The following G3BP2 variants were observed in gnomAD, a reference collection of about 807,000 sequenced individuals.
G3BP2 encodes the protein G3BP stress granule assembly factor 2.
In G3BP2, 11 loss-of-function variants were observed where a neutral mutation model predicts 56.7. The ratio of observed to expected loss-of-function variants is 0.19; its 90% CI spans 0.12 to 0.32. The LOEUF (loss-of-function observed/expected upper bound fraction) is 0.32, where lower values mean the gene tolerates loss of function less well. Among genes scored for constraint, G3BP2 ranks in the 10% least tolerant of loss-of-function variants. The probability of loss-of-function intolerance (pLI) is 1.00; values close to 1 mark genes in which losing one functional copy is unlikely to be tolerated. For missense variants in G3BP2, 340 were observed against 610.9 expected (o/e 0.56, Z 4.67); for synonymous variants, 165 against 191.6 (o/e 0.86, Z 1.15).
In G3BP2 at chr4:75,643,282, C is replaced by T. The variant is rs1319154366; in HGVS notation, c.*2148G>A. The T allele has an allele frequency of 4.2e-5, 4 of 94,298 alleles. No homozygotes were observed. Among genetic ancestry groups the T allele is most frequent in the African/African-American group, 1.8e-4 (4 of 21,996 alleles). The allele number at this position is 94,298 out of a possible 1,614,324, so 5.8% of individuals were successfully genotyped here. ...GTTTTCATGGATGGCAGGGCAATATCCTGAATTGGAAATTATATATATATA... is the reference window on the plus strand; with the variant it reads ...GTTTTCATGGATGGCAGGGCAATATTCTGAATTGGAAATTATATATATATA... On this transcript the variant is annotated 3_prime_UTR_variant, in exon 12 of 12. Coordinates refer to ENST00000359707, the MANE Select transcript of G3BP2 (RefSeq NM_203505.3).
intron 6 of G3BP2, 79 bp from the exon 7 acceptor site, chr4:75,655,325 G>A: frequency 2.0e-6 from 2 of 995,020 alleles, no homozygotes; most frequent in South Asian, 2.8e-5. Flanking sequence ...TCCAATGGGT[G>A]TAACTAGTTA....
chr4:75,689,665 A>G (rs1293867130), intron 3 of G3BP2, among the ~76,000 whole-genome samples: 1 of 152,218 alleles, frequency 6.6e-6, no homozygotes, highest in Non-Finnish European at 1.5e-5. Context: ...TTATTTTTAC[A>G]CTGACCAAGG....
intron 8 of G3BP2, among the ~76,000 whole-genome samples, chr4:75,653,569 G>C (rs935348501): frequency 7.9e-5 from 10 of 126,146 alleles, no homozygotes; most frequent in African/African-American, 3.2e-4. Context: ...AAAGTTTCCT[G>C]GTTTTTTTTT....
At chr4:75,655,528 G>T (rs1481079515) in intron 6 of G3BP2, among the ~76,000 whole-genome samples, 2 of 152,170 alleles carry the variant, frequency 1.3e-5, no homozygotes, top group Non-Finnish European at 2.9e-5. Context: ...CTTACTCTGT[G>T]TTGTCTTCAA....
intron 3 of G3BP2, among the ~76,000 whole-genome samples, chr4:75,711,610 G>A (rs1293121223): frequency 6.6e-6 from 1 of 152,114 alleles, no homozygotes; most frequent in African/African-American, 2.4e-5. Context: ...CTACTCAGGA[G>A]GCTGAGGCAG....
chr4:75,690,816 G>A lies in G3BP2; in HGVS notation c.-24-28767C>T, dbSNP rs140355147. Among the ~76,000 whole-genome samples the A allele has an allele frequency of 3.3e-4, 50 of 152,100 alleles. 1 individual carries two copies. In the East Asian group the frequency reaches 7.4e-3, roughly 22 times the overall value. On this transcript the variant is annotated intron_variant, in intron 3 of 3. Transcript: ENST00000499709. ...TGGGCTCAAGCAATCCACCTGCCTCGGCCTTCTGGAGAGCTGGGATTACAG... is the reference window on the plus strand; with the variant it reads ...TGGGCTCAAGCAATCCACCTGCCTCAGCCTTCTGGAGAGCTGGGATTACAG...
intron 3 of G3BP2, among the ~76,000 whole-genome samples, chr4:75,712,437 C>G (rs191297064): frequency 3.3e-5 from 5 of 152,216 alleles, no homozygotes; most frequent in Non-Finnish European, 7.4e-5. Context: ...TTACTGCCAA[C>G]TGGTATTAAA....
chr4:75,646,904 T>C, intron 10 of G3BP2, 125 bp downstream of exon 10: 1 of 593,282 alleles, frequency 1.7e-6, no homozygotes, highest in South Asian at 2.3e-5. Flanking sequence ...TTAAGGTGGG[T>C]CTGGTAGCTG....
intron 3 of G3BP2, among the ~76,000 whole-genome samples, chr4:75,689,120 C>T (rs1390528638): frequency 2.0e-5 from 3 of 152,148 alleles, no homozygotes; most frequent in Non-Finnish European, 4.4e-5. Context: ...TGGAGGCTCA[C>T]TCCTGTAATC....
At chr4:75,693,356 C>CA (rs1157734606) in intron 3 of G3BP2, among the ~76,000 whole-genome samples, 4 of 152,322 alleles carry the variant, frequency 2.6e-5, no homozygotes, top group African/African-American at 9.6e-5. Context: ...CACATGGAAC[C>CA]AATGAGGACA....
At chr4:75,675,521 G>A (rs1733843560), upstream of G3BP2, among the ~76,000 whole-genome samples, 1 of 152,320 alleles carries the variant, frequency 6.6e-6, no homozygotes. Flanking sequence ...GGCCGGGCGC[G>A]GCAGCTCACG....
chr4:75,716,632 C>T (rs1232060234), intron 3 of G3BP2, among the ~76,000 whole-genome samples: 5 of 152,238 alleles, frequency 3.3e-5, no homozygotes, highest in Non-Finnish European at 7.3e-5. Context: ...TCTCCTGCCT[C>T]AGCCTCCCGA....
At chr4:75,667,686 C>T (rs56728961) in intron 1 of G3BP2, among the ~76,000 whole-genome samples, 10 of 151,942 alleles carry the variant, frequency 6.6e-5, no homozygotes, top group African/African-American at 9.7e-5. Context: ...GTCAGGAGAT[C>T]GAGACCATCC....
intron 8 of G3BP2, among the ~76,000 whole-genome samples, chr4:75,653,751 T>C (rs1436605838): frequency 6.6e-6 from 1 of 152,160 alleles, no homozygotes; most frequent in Non-Finnish European, 1.5e-5. Flanking sequence ...GACAATATTA[T>C]ATACTGGTAA....
rs765599561 is a variant in G3BP2, at chr4:75,655,154, A to G, written c.638T>C (p.Val213Ala). Residue 213 changes from valine to alanine, a missense_variant, in exon 7 of 12, where the codon GTG becomes GCG. Physicochemically the swap from Val to Ala is moderately conservative, Grantham distance 64. Transcript: ENST00000359707. ...ETKTEELKPQ[V>A]EEKNLEELEE... The stretch of plus-strand genomic sequence containing the variant: ...TAGTTCTTCTAAGTTCTTCTCCTCC[A>G]CTTGTGGTTTCAGCTCTTCAGTCTT... The G allele has an allele frequency of 6.2e-7, 1 of 1,613,242 alleles. No homozygotes were observed. Among genetic ancestry groups the G allele is most frequent in the Non-Finnish European group, 8.5e-7 (1 of 1,179,210 alleles).
chr4:75,646,533 ATATCGT>A, intron 10 of G3BP2, 77 bp from the exon 11 acceptor site: 1 of 872,116 alleles, frequency 1.1e-6, no homozygotes, highest in South Asian at 1.4e-5. Flanking sequence ...TTCAGGATGA[ATATCGT>A]TATCTCCCCG....
chr4:75,714,531 G>A (rs1277171831), intron 3 of G3BP2, among the ~76,000 whole-genome samples: 1 of 152,178 alleles, frequency 6.6e-6, no homozygotes, highest in Non-Finnish European at 1.5e-5. Context: ...AGGAGGCAGA[G>A]GCAGGAGAAT....
rs531980338 is a variant in G3BP2 at position 75,688,244 on chromosome 4, T to C, written c.-24-26195A>G. Among the ~76,000 whole-genome samples, 7 of 152,276 alleles carry C rather than the reference T, an allele frequency of 4.6e-5. No individual in the cohort carries two copies. The South Asian group carries it at 1.5e-3, about 32-fold the overall frequency. On this transcript the variant is annotated intron_variant, in intron 3 of 3. Coordinates refer to the G3BP2 transcript ENST00000499709. ...TCTTAGTAGAGATGGGGTTTTACCA[T>C]GTTAACCTGGCTGGTCTCAAACTCG...
At position 75,645,941 on chromosome 4, in the gene G3BP2, G is replaced by T. The variant is rs542963593; in HGVS notation, c.1177-239C>A. Among the ~76,000 whole-genome samples the T allele has an allele frequency of 2.6e-5, 4 of 152,228 alleles. No individual in the cohort carries two copies. In the East Asian group the frequency reaches 7.7e-4, roughly 29 times the overall value. On this transcript the variant is annotated intron_variant, in intron 11 of 11. Coordinates refer to ENST00000359707, the MANE Select transcript of G3BP2 (RefSeq NM_203505.3). ...TACTCCCACCTCAGCCTCCTGAGTA[G>T]CTGGGATTATAGGTGTCTACCACCA... is the stretch of plus-strand genomic sequence containing the variant.
Sources: gnomAD v4.1 joint callset for allele counts (sites outside exome capture counted in the v4.1 genomes callset) on GRCh38, gnomAD v4.1.1 for gene constraint, MANE v1.5 for transcripts, NCBI Gene and HGNC (gene_info 2026-07-23, HGNC 2026-07-21) for gene names.